PTPN11: variants seen among roughly 807,000 people sequenced by gnomAD.
The protein encoded by PTPN11 is tyrosine-protein phosphatase non-receptor type 11.
Under a neutral mutation model 78.8 loss-of-function variants are expected in PTPN11, and 6 were observed. The observed-to-expected ratio is 0.08, with a 90% CI of 0.04 to 0.15. PTPN11 has a LOEUF of 0.15. PTPN11 is among the 10% of genes least tolerant of loss of function. The probability of loss-of-function intolerance (pLI) is 1.00; values close to 1 mark genes in which losing one functional copy is unlikely to be tolerated. For synonymous variants in PTPN11, 221 were observed against 263.5 expected, an observed-to-expected ratio of 0.84 and a Z score of 1.56; for missense variants, 386 against 744.8, an observed-to-expected ratio of 0.52 and a Z score of 5.61.
chr12:112,455,441 G>A (rs1448891928), intron 5 of PTPN11, among the ~76,000 whole-genome samples: 3 of 151,884 alleles, frequency 2.0e-5, no homozygotes, highest in Non-Finnish European at 4.4e-5. Context: ...CACCATGTTA[G>A]CCAGGCTGGT....
rs1178602062 is a variant in PTPN11, at chr12:112,486,540, C to T, written c.1290C>T (p.Ser430=). Residue 430 remains serine (S), a synonymous_variant, in exon 11 of 16, where the codon AGC becomes AGT. Coordinates refer to ENST00000351677, the MANE Select transcript of PTPN11 (RefSeq NM_002834.5). Reference sequence around the variant, plus strand: ...CCTGGCCGGACCACGGCGTGCCCAGCGACCCTGGGGGCGTGCTGGACTTCC... The same window carrying T: ...CCTGGCCGGACCACGGCGTGCCCAGTGACCCTGGGGGCGTGCTGGACTTCC... ...FRTWPDHGVP[S]DPGGVLDFLE... The T allele has an allele frequency of 7.4e-6, 12 of 1,614,218 alleles. No individual in the cohort carries two copies. Among genetic ancestry groups the T allele is most frequent in the South Asian group, 1.1e-5 (1 of 91,088 alleles).
At chr12:112,439,711 C>G (rs574065569) in intron 1 of PTPN11, among the ~76,000 whole-genome samples, 1 of 151,218 alleles carries the variant, frequency 6.6e-6, no homozygotes, top group Non-Finnish European at 1.5e-5. Flanking sequence ...CTCAGGTGAT[C>G]TACCTGCCTT....
chr12:112,420,473 G>A (rs1171959450), intron 1 of PTPN11, among the ~76,000 whole-genome samples: 2 of 151,948 alleles, frequency 1.3e-5, no homozygotes, highest in Non-Finnish European at 2.9e-5. Context: ...AGCCTCCCAA[G>A]TAACTAGGAC....
intron 9 of PTPN11, among the ~76,000 whole-genome samples, chr12:112,479,320 A>G (rs1449230834): frequency 6.6e-6 from 1 of 152,056 alleles, no homozygotes; most frequent in Non-Finnish European, 1.5e-5. Context: ...TCTTTTTTAG[A>G]TATCCTTTAA....
At chr12:112,488,363 T>G in intron 11 of PTPN11, 80 bp from the exon 12 acceptor site, 9 of 1,111,226 alleles carry the variant, frequency 8.1e-6, no homozygotes, top group Non-Finnish European at 1.1e-5. Context: ...TTGTTTCTGT[T>G]GATATTAATG....
At chr12:112,501,810 A>G (rs1484363431) in intron 13 of PTPN11, among the ~76,000 whole-genome samples, 1 of 152,226 alleles carries the variant, frequency 6.6e-6, no homozygotes, top group Non-Finnish European at 1.5e-5. Flanking sequence ...TGTGTTCCAC[A>G]TGAACTATGA....
chr12:112,447,024 C>T (rs2038003761), intron 2 of PTPN11, among the ~76,000 whole-genome samples: 1 of 152,074 alleles, frequency 6.6e-6, no homozygotes, highest in East Asian at 1.9e-4. Flanking sequence ...TGCCACCATG[C>T]TCAGCATTTT....
rs1321028866 is a variant in PTPN11 at position 112,482,418 on chromosome 12, G to A, written c.1224+213G>A. On this transcript the variant is annotated intron_variant, in intron 10 of 15. Coordinates refer to ENST00000351677, the MANE Select transcript of PTPN11 (RefSeq NM_002834.5). This position sits in a 1 kb window ranked among gnomAD's most constrained non-coding sequence, Gnocchi z 4.4. ...CAGGTAGTGTTCCTGCCCTCATCGA[G>A]CCTAGGGAGATAGACAATTTAAAAA... is the stretch of plus-strand genomic sequence containing the variant. Among the ~76,000 whole-genome samples, 1 of 152,190 alleles carries A rather than the reference G, an allele frequency of 6.6e-6. No individual in the cohort carries two copies. Among genetic ancestry groups the A allele is most frequent in the East Asian group, 1.9e-4 (1 of 5,196 alleles).
chr12:112,454,558 TG>T lies in PTPN11; in HGVS notation c.526-5del. On this transcript the variant is annotated splice_region_variant and splice_polypyrimidine_tract_variant and intron_variant, in intron 4 of 15. Transcript: ENST00000351677. ...AATAATAAATGTCATGTGTTTATCTTGAAAGGAACTGAAATACGACGTTGGT... is the reference window on the plus strand; with the variant it reads ...AATAATAAATGTCATGTGTTTATCTTAAAGGAACTGAAATACGACGTTGGT... 1 of 1,601,064 alleles carries T rather than the reference TG, an allele frequency of 6.2e-7. No homozygotes were observed. Among genetic ancestry groups the T allele is most frequent in the East Asian group, 2.2e-5 (1 of 44,806 alleles).
chr12:112,484,920 A>G (rs1484319473), intron 10 of PTPN11, among the ~76,000 whole-genome samples: 1 of 152,006 alleles, frequency 6.6e-6, no homozygotes, highest in African/African-American at 2.4e-5. Flanking sequence ...ATTAAAAAAA[A>G]AAGAAGAAGA....
At chr12:112,502,374 C>A in intron 14 of PTPN11, 118 bp downstream of exon 14, 1 of 814,336 alleles carries the variant, frequency 1.2e-6, no homozygotes, top group South Asian at 1.4e-5. Flanking sequence ...GGTGCACGTT[C>A]CTGTTGCCCT....
chr12:112,471,509 C>CA (rs1365408287), intron 6 of PTPN11, among the ~76,000 whole-genome samples: 1 of 136,908 alleles, frequency 7.3e-6, no homozygotes, highest in Non-Finnish European at 1.6e-5. Flanking sequence ...TTATTTAAAA[C>CA]AAAAAAAGAA....
rs559592465 is a variant in PTPN11 at position 112,464,155 on chromosome 12, T to C, written c.756+8092T>C. On this transcript the variant is annotated intron_variant, in intron 6 of 15. Transcript: ENST00000351677. ...CTAAATTGTAATGCCATTGGTAATT[T>C]AACTCTGATTTGTCTCTATGCCTGT... Among the ~76,000 whole-genome samples, 14 of 152,368 alleles carry C rather than the reference T, an allele frequency of 9.2e-5. 1 individual carries two copies. In the South Asian group the frequency reaches 2.7e-3, roughly 29 times the overall value.
chr12:112,489,222 C>G (rs745501907), intron 13 of PTPN11, 47 bp downstream of exon 13: 3 of 1,606,280 alleles, frequency 1.9e-6, no homozygotes, highest in Non-Finnish European at 2.6e-6. Flanking sequence ...TCTTGCTAGG[C>G]CTCTTGGATA....
chr12:112,440,281 C>G (rs1019569730), intron 1 of PTPN11, among the ~76,000 whole-genome samples: 21 of 152,056 alleles, frequency 1.4e-4, no homozygotes, highest in African/African-American at 5.1e-4. Flanking sequence ...TCTCAATTTT[C>G]CTTTTTTTTT....
At chr12:112,451,119 A>G (rs2038073564) in intron 3 of PTPN11, among the ~76,000 whole-genome samples, 1 of 152,218 alleles carries the variant, frequency 6.6e-6, no homozygotes, top group Admixed American at 6.6e-5. Flanking sequence ...TTCGTTTTGT[A>G]CATTCCCAAT....
intron 6 of PTPN11, among the ~76,000 whole-genome samples, chr12:112,461,939 C>A (rs1045762982): frequency 6.6e-6 from 1 of 152,176 alleles, no homozygotes; most frequent in Non-Finnish European, 1.5e-5. Context: ...TAAGATTATT[C>A]ATTTGTTTTA....
Position 112,508,961 on chromosome 12 carries a change from T to A in PTPN11, c.*3169T>A, listed in dbSNP as rs530432349. The A allele has an allele frequency of 5.2e-4, 79 of 152,350 alleles. No homozygotes were observed. The highest frequency in any genetic ancestry group is 1.7e-3 in the African/African-American group (70 of 41,582). 9.4% of individuals were successfully genotyped at this position (152,350 alleles called of 1,614,324 possible). On this transcript the variant is annotated 3_prime_UTR_variant, in exon 16 of 16. Coordinates refer to ENST00000351677, the MANE Select transcript of PTPN11 (RefSeq NM_002834.5). ...TTGGGGATTTTAAGAACTAATAACA[T>A]CTTGAGTTATTTTTAATTCAGGGGG...
At chr12:112,453,055 T>G (rs2038100260) in intron 3 of PTPN11, 140 bp from the exon 4 acceptor site, 3 of 730,096 alleles carry the variant, frequency 4.1e-6, no homozygotes, top group Admixed American at 2.5e-5. Flanking sequence ...CTGTCTCAGG[T>G]GGGATTGATC....
Sources: gnomAD v4.1 joint callset for allele counts (sites outside exome capture counted in the v4.1 genomes callset) on GRCh38, gnomAD v4.1.1 for gene constraint, Gnocchi (gnomAD v3.1) non-coding constraint, MANE v1.5 for transcripts, NCBI Gene and HGNC (gene_info 2026-07-23, HGNC 2026-07-21) for gene names.